Variants in LEPR observed in about 807,000 individuals in gnomAD.
The protein encoded by LEPR is leptin receptor.
In LEPR, 56 loss-of-function variants were observed where a neutral mutation model predicts 114.7. That is an observed-to-expected ratio of 0.49 (90% CI 0.39 to 0.61). The LOEUF (loss-of-function observed/expected upper bound fraction) is 0.61, where lower values mean the gene tolerates loss of function less well. Among genes scored for constraint, LEPR ranks in the 20% least tolerant of loss-of-function variants. LEPR has a pLI of 0.00. For missense variants in LEPR, 1,202 were observed against 1,352.9 expected (o/e 0.89, Z 1.75); for synonymous variants, 443 against 461.4 (o/e 0.96, Z 0.51).
chr1:65,484,532 C>T (rs563300672), intron 2 of LEPR, among the ~76,000 whole-genome samples: 1 of 152,164 alleles, frequency 6.6e-6, no homozygotes, highest in South Asian at 2.1e-4. Context: ...ACAAAGAGAG[C>T]GTCATCAGTT....
chr1:65,634,395 C>G (rs1658639460), intron 19 of LEPR: 1 of 969,140 alleles, frequency 1.0e-6, no homozygotes, highest in African/African-American at 1.8e-5. Flanking sequence ...TCTTTAATTA[C>G]TGCCCACTCA....
chr1:65,546,383 A>G (rs916080048), intron 2 of LEPR, among the ~76,000 whole-genome samples: 3 of 152,270 alleles, frequency 2.0e-5, no homozygotes, highest in South Asian at 2.1e-4. Context: ...CATTGAATCT[A>G]TAAATTACCT....
At chr1:65,626,477 C>T (rs772139700) in intron 19 of LEPR, 18 of 196,806 alleles carry the variant, frequency 9.1e-5, no homozygotes, top group Admixed American at 2.0e-4. Flanking sequence ...GCTGACCAGG[C>T]GCATAAATAA....
At chr1:65,552,215 A>G (rs893625491) in intron 2 of LEPR, among the ~76,000 whole-genome samples, 5 of 152,172 alleles carry the variant, frequency 3.3e-5, no homozygotes, top group Non-Finnish European at 5.9e-5. Context: ...GTAGATGCCT[A>G]TTAGGTCTTC....
intron 2 of LEPR, among the ~76,000 whole-genome samples, chr1:65,493,522 T>C (rs570769219): frequency 1.1e-4 from 16 of 152,176 alleles, no homozygotes; most frequent in African/African-American, 2.2e-4. Flanking sequence ...TTTATAGATA[T>C]TTTTTTCATT....
At chr1:65,510,717 C>T (rs933275028) in intron 2 of LEPR, among the ~76,000 whole-genome samples, 2 of 152,030 alleles carry the variant, frequency 1.3e-5, no homozygotes, top group Non-Finnish European at 2.9e-5. Context: ...AGCTATCCCA[C>T]GTTAGCGGGA....
At chr1:65,480,724 T>A (rs1269625642) in intron 2 of LEPR, among the ~76,000 whole-genome samples, 3 of 151,986 alleles carry the variant, frequency 2.0e-5, no homozygotes, top group Non-Finnish European at 4.4e-5. Context: ...AAAAAGAAGC[T>A]AAGAGAAGTT....
chr1:65,429,285 A>C (rs1361290564), intron 2 of LEPR, among the ~76,000 whole-genome samples: 1 of 152,190 alleles, frequency 6.6e-6, no homozygotes, highest in South Asian at 2.1e-4. Flanking sequence ...AGCTAGCGCA[A>C]AGGCCCCAGG....
At chr1:65,543,442 T>C (rs1235761837) in intron 2 of LEPR, among the ~76,000 whole-genome samples, 1 of 152,044 alleles carries the variant, frequency 6.6e-6, no homozygotes, top group African/African-American at 2.4e-5. Context: ...TAGTTTCTTT[T>C]GCTGTGCAGA....
At chr1:65,554,711 G>A (rs942026506) in intron 2 of LEPR, among the ~76,000 whole-genome samples, 4 of 152,018 alleles carry the variant, frequency 2.6e-5, no homozygotes. Flanking sequence ...CCGGGGAAGT[G>A]AACGGTTCTG....
rs140683353 is a variant in LEPR, at chr1:65,442,483, A to G, written c.-21+17105A>G. 3.1e-3 allele frequency among the ~76,000 whole-genome samples: 465 copies of G among 152,324 alleles called. 2 individuals are homozygous for G. The highest frequency in any genetic ancestry group is 9.7e-3 in the African/African-American group (403 of 41,566). ...TCCCTAAATGTATAAAAACCAAGCT[A>G]TAACCCAACCACCTTGGGCACATGT... On this transcript the variant is annotated intron_variant, in intron 2 of 19. Coordinates refer to ENST00000349533, the MANE Select transcript of LEPR (RefSeq NM_002303.6).
intron 5 of LEPR, among the ~76,000 whole-genome samples, chr1:65,585,498 A>G (rs561041136): frequency 3.0e-4 from 45 of 152,080 alleles, no homozygotes; most frequent in African/African-American, 2.2e-4. Flanking sequence ...CTAAAGAATT[A>G]TATCTCTACC....
At chr1:65,630,664 A>G (rs920835020) in intron 19 of LEPR, among the ~76,000 whole-genome samples, 3 of 150,266 alleles carry the variant, frequency 2.0e-5, no homozygotes, top group African/African-American at 7.4e-5. Flanking sequence ...CACATCTCTT[A>G]CCTTTTATCT....
At chr1:65,543,635 T>G (rs1557650897) in intron 2 of LEPR, among the ~76,000 whole-genome samples, 1 of 152,002 alleles carries the variant, frequency 6.6e-6, no homozygotes, top group South Asian at 2.1e-4. Flanking sequence ...CATCTTGAGT[T>G]AATTTTTGTA....
intron 5 of LEPR, among the ~76,000 whole-genome samples, chr1:65,583,509 T>C (rs1049288649): frequency 2.6e-4 from 40 of 152,054 alleles, no homozygotes; most frequent in African/African-American, 9.4e-4. Context: ...GAGCTATACT[T>C]TAAAGGTGGG....
At chr1:65,521,749 T>C (rs1158630499) in intron 2 of LEPR, among the ~76,000 whole-genome samples, 2 of 152,216 alleles carry the variant, frequency 1.3e-5, no homozygotes, top group Admixed American at 6.5e-5. Flanking sequence ...CTTAAAAGTT[T>C]CATGTACATT....
At chr1:65,622,126 C>A (rs1300261490) in intron 18 of LEPR, among the ~76,000 whole-genome samples, 3 of 151,990 alleles carry the variant, frequency 2.0e-5, no homozygotes, top group African/African-American at 7.3e-5. Context: ...AACATAACTT[C>A]AAGGAAGAAT....
At chr1:65,499,692 A>G (rs1192613140) in intron 2 of LEPR, among the ~76,000 whole-genome samples, 3 of 152,116 alleles carry the variant, frequency 2.0e-5, no homozygotes, top group Non-Finnish European at 4.4e-5. Flanking sequence ...TTCCATTCCC[A>G]CTGTCCCTTA....
intron 2 of LEPR, among the ~76,000 whole-genome samples, chr1:65,456,468 G>A (rs1235115924): frequency 6.6e-6 from 1 of 152,048 alleles, no homozygotes; most frequent in Non-Finnish European, 1.5e-5. Flanking sequence ...CAGTTCTGAT[G>A]TTTTTGCCTC....
Sources: gnomAD v4.1 joint callset for allele counts (sites outside exome capture counted in the v4.1 genomes callset) on GRCh38, gnomAD v4.1.1 for gene constraint, MANE v1.5 for transcripts, NCBI Gene and HGNC (gene_info 2026-07-23, HGNC 2026-07-21) for gene names.